The following CCBE1 variants were observed in gnomAD, a reference collection of about 807,000 sequenced individuals.
The protein encoded by CCBE1 is collagen and calcium-binding EGF domain-containing protein 1.
Under a neutral mutation model 50.0 loss-of-function variants are expected in CCBE1, and 37 were observed. The observed-to-expected ratio is 0.74, with a 90% CI of 0.57 to 0.97. The LOEUF (loss-of-function observed/expected upper bound fraction) is 0.97. Ranked by LOEUF, CCBE1 falls within the 50% of genes least tolerant of loss-of-function variation. The probability of loss-of-function intolerance (pLI) is 0.00; values close to 1 mark genes in which losing one functional copy is unlikely to be tolerated. For missense variants in CCBE1, 538 were observed against 523.8 expected, an observed-to-expected ratio of 1.03 and a Z score of -0.26; for synonymous variants, 234 against 203.7, an observed-to-expected ratio of 1.15 and a Z score of -1.27.
At chr18:59,451,231 C>T (rs571929556) in intron 6 of CCBE1, among the ~76,000 whole-genome samples, 3 of 152,056 alleles carry the variant, frequency 2.0e-5, no homozygotes, top group African/African-American at 4.8e-5. Flanking sequence ...TGGGGAGAGT[C>T]GCTGGTTTAA....
intron 7 of CCBE1, among the ~76,000 whole-genome samples, chr18:59,445,104 C>T (rs935393347): frequency 3.3e-5 from 5 of 152,120 alleles, no homozygotes; most frequent in Non-Finnish European, 5.9e-5. Context: ...TATCCAAGAA[C>T]TCATCACCAA....
chr18:59,524,659 T>C (rs527870898), intron 2 of CCBE1, among the ~76,000 whole-genome samples: 2 of 152,320 alleles, frequency 1.3e-5, no homozygotes, highest in East Asian at 3.9e-4. Flanking sequence ...GTTACATAGG[T>C]AAATGTGTGC....
At chr18:59,557,902 A>G (rs1438404626) in intron 2 of CCBE1, among the ~76,000 whole-genome samples, 2 of 152,226 alleles carry the variant, frequency 1.3e-5, no homozygotes, top group Non-Finnish European at 2.9e-5. Flanking sequence ...CGCTGGTAAC[A>G]ATACCTTTAT....
At chr18:59,488,383 A>T (rs1912924819) in intron 2 of CCBE1, among the ~76,000 whole-genome samples, 1 of 152,236 alleles carries the variant, frequency 6.6e-6, no homozygotes, top group Non-Finnish European at 1.5e-5. Context: ...CGCAACAATT[A>T]AGTGAAGAAG....
chr18:59,450,429 G>A (rs1328198492), intron 6 of CCBE1, among the ~76,000 whole-genome samples: 2 of 152,130 alleles, frequency 1.3e-5, no homozygotes, highest in African/African-American at 2.4e-5. Flanking sequence ...GTAACTTACC[G>A]AGAGTCACAC....
At chr18:59,610,828 A>G (rs1168769666) in intron 2 of CCBE1, among the ~76,000 whole-genome samples, 6 of 152,228 alleles carry the variant, frequency 3.9e-5, no homozygotes, top group African/African-American at 1.4e-4. Flanking sequence ...AGTGGGTTTC[A>G]GGATGCAGCT....
At chr18:59,552,156 G>A (rs1429903045) in intron 2 of CCBE1, among the ~76,000 whole-genome samples, 3 of 152,186 alleles carry the variant, frequency 2.0e-5, no homozygotes, top group African/African-American at 7.2e-5. Flanking sequence ...CTCAAATGAG[G>A]GCAGGGACAT....
At chr18:59,672,672 G>T (rs964377930) in intron 2 of CCBE1, among the ~76,000 whole-genome samples, 1 of 152,196 alleles carries the variant, frequency 6.6e-6, no homozygotes, top group African/African-American at 2.4e-5. Context: ...TCTCTAATGA[G>T]CCTTGCCCAA....
chr18:59,506,788 G>A (rs1018866918), intron 2 of CCBE1, among the ~76,000 whole-genome samples: 3 of 152,196 alleles, frequency 2.0e-5, no homozygotes, highest in Non-Finnish European at 2.9e-5. Context: ...TATCTGGATG[G>A]AGCAAACAAA....
chr18:59,490,555 G>T (rs1169677736), intron 2 of CCBE1, among the ~76,000 whole-genome samples: 1 of 152,156 alleles, frequency 6.6e-6, no homozygotes, highest in Non-Finnish European at 1.5e-5. Flanking sequence ...TTGAAACTGG[G>T]TAAGGAATGA....
chr18:59,693,007 C>CAA (rs2054756325), intron 2 of CCBE1, among the ~76,000 whole-genome samples: 1 of 146,590 alleles, frequency 6.8e-6, no homozygotes, highest in South Asian at 2.2e-4. Context: ...CACACACAAA[C>CAA]AAAAAACGCA....
intron 2 of CCBE1, among the ~76,000 whole-genome samples, chr18:59,681,147 T>G (rs972124666): frequency 2.0e-5 from 3 of 151,984 alleles, no homozygotes; most frequent in African/African-American, 7.3e-5. Context: ...TCGGAATCTT[T>G]AAACAGAGCC....
chr18:59,507,876 G>A (rs1330803956), intron 2 of CCBE1, among the ~76,000 whole-genome samples: 1 of 150,430 alleles, frequency 6.6e-6, no homozygotes, highest in Non-Finnish European at 1.5e-5. Context: ...TGTTAATTAG[G>A]TTTTTTTCCT....
chr18:59,592,042 G>A (rs2144537847), intron 2 of CCBE1, among the ~76,000 whole-genome samples: 1 of 152,184 alleles, frequency 6.6e-6, no homozygotes, highest in Non-Finnish European at 1.5e-5. Flanking sequence ...TCAAAACTTT[G>A]TTTCATGCAC....
intron 2 of CCBE1, among the ~76,000 whole-genome samples, chr18:59,481,948 T>C (rs768368994): frequency 2.6e-5 from 4 of 152,194 alleles, no homozygotes; most frequent in African/African-American, 4.8e-5. Flanking sequence ...GCAGGTTACA[T>C]AGGTATACGC....
rs533438728 is a variant in CCBE1 at position 59,469,615 on chromosome 18, A to G, written c.266-8T>C. On this transcript the variant is annotated splice_region_variant and splice_polypyrimidine_tract_variant and intron_variant, in intron 3 of 10. Coordinates refer to ENST00000439986, the MANE Select transcript of CCBE1 (RefSeq NM_133459.4). ...CGGCACAAACGTCGTAATCTGAAAA[A>G]GCAAAGTGAGAGCTCACATCAACTA... is the stretch of plus-strand genomic sequence containing the variant. 2 of 1,614,068 alleles carry G rather than the reference A, an allele frequency of 1.2e-6. No homozygotes were observed. The highest frequency in any genetic ancestry group is 1.7e-5 in the Admixed American group (1 of 60,036).
chr18:59,491,482 G>A (rs1415108425), intron 2 of CCBE1, among the ~76,000 whole-genome samples: 3 of 152,128 alleles, frequency 2.0e-5, no homozygotes, highest in Non-Finnish European at 2.9e-5. Flanking sequence ...CATTATTACT[G>A]TTGAAATGAG....
chr18:59,608,311 G>A (rs2053527797), intron 2 of CCBE1, among the ~76,000 whole-genome samples: 1 of 152,138 alleles, frequency 6.6e-6, no homozygotes, highest in African/African-American at 2.4e-5. Flanking sequence ...ACTCCTTACA[G>A]GTCAACACCA....
At chr18:59,501,303 C>A (rs1197333320) in intron 2 of CCBE1, among the ~76,000 whole-genome samples, 1 of 152,196 alleles carries the variant, frequency 6.6e-6, no homozygotes, top group Non-Finnish European at 1.5e-5. Context: ...CTTTTACTTA[C>A]CCCCATGGCT....
Sources: gnomAD v4.1 joint callset for allele counts (sites outside exome capture counted in the v4.1 genomes callset) on GRCh38, gnomAD v4.1.1 for gene constraint, MANE v1.5 for transcripts, NCBI Gene and HGNC (gene_info 2026-07-23, HGNC 2026-07-21) for gene names.